Variants in CDC42SE2 observed in about 807,000 individuals in gnomAD.
The protein encoded by CDC42SE2 is CDC42 small effector 2.
A neutral mutation model predicts 11.5 loss-of-function variants in CDC42SE2; 3 were observed. That is an observed-to-expected ratio of 0.26 (90% confidence interval 0.12 to 0.67). CDC42SE2 has a LOEUF of 0.67. CDC42SE2 is among the 30% of genes least tolerant of loss of function. The probability of loss-of-function intolerance (pLI) is 0.80; values close to 1 mark genes in which losing one functional copy is unlikely to be tolerated. For synonymous variants in CDC42SE2, 33 were observed against 34.8 expected (o/e 0.95, Z 0.18); for missense variants, 82 against 106.8 (o/e 0.77, Z 1.02).
intron 1 of CDC42SE2, among the ~76,000 whole-genome samples, chr5:131,287,234 A>G (rs1757359947): frequency 6.6e-6 from 1 of 152,148 alleles, no homozygotes; most frequent in African/African-American, 2.4e-5. Flanking sequence ...ACCTCAGGTA[A>G]TCCACCCGCC....
chr5:131,344,546 C>T (rs1418509800), intron 2 of CDC42SE2, among the ~76,000 whole-genome samples: 1 of 152,214 alleles, frequency 6.6e-6, no homozygotes, highest in African/African-American at 2.4e-5. Flanking sequence ...GGAGGCCTGC[C>T]TGCCTCTGTA....
chr5:131,323,141 A>G (rs1176718052), intron 2 of CDC42SE2, among the ~76,000 whole-genome samples: 2 of 149,864 alleles, frequency 1.3e-5, no homozygotes, highest in African/African-American at 4.9e-5. Flanking sequence ...GTCCTTCCAC[A>G]TTAGCCCTCC....
At chr5:131,370,182 G>GCT (rs1749976498) in intron 3 of CDC42SE2, among the ~76,000 whole-genome samples, 1 of 152,140 alleles carries the variant, frequency 6.6e-6, no homozygotes, top group African/African-American at 2.4e-5. Flanking sequence ...AGAGCATGGA[G>GCT]CTCTGGAGTT....
At chr5:131,212,492 TAG>T in the CDC42SE2 span, among the ~76,000 whole-genome samples, 1 of 152,108 alleles carries the variant, frequency 6.6e-6, no homozygotes, top group East Asian at 1.9e-4. Context: ...GGCTTATGGG[TAG>T]AGTTTCTCAT....
chr5:131,365,751 G>A (rs1275084650), intron 3 of CDC42SE2, among the ~76,000 whole-genome samples: 1 of 152,204 alleles, frequency 6.6e-6, no homozygotes, highest in African/African-American at 2.4e-5. Flanking sequence ...GGGAGGCCAA[G>A]GCGGGCGGAT....
chr5:131,368,332 T>G (rs1374268694), intron 3 of CDC42SE2, among the ~76,000 whole-genome samples: 1 of 151,822 alleles, frequency 6.6e-6, no homozygotes, highest in African/African-American at 2.4e-5. Flanking sequence ...CCTACATGCA[T>G]GAGTCAGACT....
chr5:131,371,553 T>C (rs1445809476), intron 3 of CDC42SE2, among the ~76,000 whole-genome samples: 1 of 152,250 alleles, frequency 6.6e-6, no homozygotes, highest in Non-Finnish European at 1.5e-5. Context: ...GAAATGAAAA[T>C]AATTTTCATC....
chr5:131,319,870 T>C (rs936078749), intron 2 of CDC42SE2, among the ~76,000 whole-genome samples: 1 of 150,626 alleles, frequency 6.6e-6, no homozygotes, highest in Non-Finnish European at 1.5e-5. Context: ...GCTAAAGCAG[T>C]GAAACCCCGT....
chr5:131,355,817 A>G (rs1053226296), intron 2 of CDC42SE2, among the ~76,000 whole-genome samples: 3 of 152,078 alleles, frequency 2.0e-5, no homozygotes, highest in African/African-American at 7.2e-5. Context: ...TGCGGGTAGG[A>G]TGTTGGAGTT....
At chr5:131,312,146 T>C (rs973502483) in intron 1 of CDC42SE2, among the ~76,000 whole-genome samples, 2 of 152,148 alleles carry the variant, frequency 1.3e-5, no homozygotes, top group African/African-American at 2.4e-5. Flanking sequence ...TTTTGTTTGT[T>C]AGTTTTCCTT....
In CDC42SE2 at chr5:131,392,849, GTCACTGGCCTTTCTGTGCTCTACATA is replaced by G. The variant is rs1299705752; in HGVS notation, c.*1760_*1785del. 2.6e-5 allele frequency: 4 copies of G among 152,382 alleles called. No homozygotes were observed. The East Asian group carries it at 7.5e-4, about 29-fold the overall frequency. The allele number at this position is 152,382 out of a possible 1,614,324, so 9.4% of individuals were successfully genotyped here. On this transcript the variant is annotated 3_prime_UTR_variant, in exon 5 of 5. Coordinates refer to ENST00000505065, the MANE Select transcript of CDC42SE2 (RefSeq NM_001375635.1). ...GTACTACTAACTGCAGACCTCCAGA[GTCACTGGCCTTTCTGTGCTCTACATA>G]TTATTTTAGGGGCCACATCAGTTGC...
chr5:131,380,747 T>C (rs1456632873), intron 3 of CDC42SE2, among the ~76,000 whole-genome samples: 1 of 152,176 alleles, frequency 6.6e-6, no homozygotes, highest in Non-Finnish European at 1.5e-5. Flanking sequence ...TCTGCCATCT[T>C]ACAGGGGAAA....
chr5:131,244,413 A>G (rs369756317), upstream of CDC42SE2, among the ~76,000 whole-genome samples: 5 of 152,320 alleles, frequency 3.3e-5, no homozygotes, highest in African/African-American at 1.2e-4. Flanking sequence ...TTTTAAGCAC[A>G]CAAAAAACAT....
At chr5:131,268,754 C>CTTTTTTTTT (rs11370516) in intron 1 of CDC42SE2, among the ~76,000 whole-genome samples, 3 of 96,892 alleles carry the variant, frequency 3.1e-5, no homozygotes, top group African/African-American at 4.3e-5. Flanking sequence ...ACCCGGATTG[C>CTTTTTTTTT]TTTTTTTTTT....
At chr5:131,316,858 A>G (rs931180647) in intron 2 of CDC42SE2, among the ~76,000 whole-genome samples, 2 of 152,170 alleles carry the variant, frequency 1.3e-5, no homozygotes, top group African/African-American at 2.4e-5. Context: ...TGCTATAGAA[A>G]TTATCTAGAT....
chr5:131,282,583 C>A (rs529394451), intron 1 of CDC42SE2, among the ~76,000 whole-genome samples: 1 of 151,988 alleles, frequency 6.6e-6, no homozygotes, highest in African/African-American at 2.4e-5. Context: ...TATTTTCCTT[C>A]CTTAATGACA....
the CDC42SE2 span, among the ~76,000 whole-genome samples, chr5:131,235,884 G>A: frequency 6.6e-6 from 1 of 152,100 alleles, no homozygotes; most frequent in Non-Finnish European, 1.5e-5. Flanking sequence ...GTGAGCCACC[G>A]CACCCGGCCC....
chr5:131,349,836 A>G (rs1436886267), intron 2 of CDC42SE2, among the ~76,000 whole-genome samples: 1 of 152,250 alleles, frequency 6.6e-6, no homozygotes, highest in Non-Finnish European at 1.5e-5. Flanking sequence ...TGTGCACAAA[A>G]GGACAAATAA....
the CDC42SE2 span, among the ~76,000 whole-genome samples, chr5:131,232,365 C>T: frequency 2.1e-4 from 32 of 151,838 alleles, no homozygotes; most frequent in African/African-American, 7.7e-4. Context: ...CTGCCCATGT[C>T]GGCCTCCCCA....
Sources: gnomAD v4.1 joint callset for allele counts (sites outside exome capture counted in the v4.1 genomes callset) on GRCh38, gnomAD v4.1.1 for gene constraint, MANE v1.5 for transcripts, NCBI Gene and HGNC (gene_info 2026-07-23, HGNC 2026-07-21) for gene names.